The following CAND1 variants were observed in gnomAD, a reference collection of about 807,000 sequenced individuals.
CAND1 encodes the protein cullin-associated NEDD8-dissociated protein 1.
In CAND1, 7 loss-of-function variants were observed where a neutral mutation model predicts 108.5. That is an observed-to-expected ratio of 0.06 (90% CI 0.04 to 0.12). The LOEUF (loss-of-function observed/expected upper bound fraction) is 0.12, where lower values mean the gene tolerates loss of function less well. CAND1 is among the 10% of genes least tolerant of loss of function. The pLI, the probability that CAND1 is intolerant of heterozygous loss-of-function variation, is 1.00. For synonymous variants in CAND1, 534 were observed against 512.0 expected (o/e 1.04, Z -0.58); for missense variants, 941 against 1,448.7 (o/e 0.65, Z 5.69).
intron 7 of CAND1, among the ~76,000 whole-genome samples, chr12:67,300,999 C>T (rs377681188): frequency 9.9e-5 from 15 of 151,970 alleles, no homozygotes; most frequent in African/African-American, 3.1e-4. Context: ...ATAAAATCAA[C>T]GTAATTTTAG....
chr12:67,297,673 C>A lies in CAND1; in HGVS notation c.748+10C>A, dbSNP rs532498312. 3 of 1,601,122 alleles carry A rather than the reference C, an allele frequency of 1.9e-6. No homozygotes were observed. The East Asian group carries it at 6.7e-5, about 36-fold the overall frequency. ...GCTGGTCATAGAATAGGTAAGAAAT[C>A]TTTAAAAGTTTTACAGTTTTCTTTA... is the stretch of plus-strand genomic sequence containing the variant. On this transcript the variant is annotated intron_variant, in intron 5 of 14. Coordinates refer to ENST00000545606, the MANE Select transcript of CAND1 (RefSeq NM_018448.5).
chr12:67,304,190 A>G (rs1199414851), intron 8 of CAND1, among the ~76,000 whole-genome samples: 1 of 151,956 alleles, frequency 6.6e-6, no homozygotes, highest in Non-Finnish European at 1.5e-5. Context: ...GGGTTTCACC[A>G]TGTTGGCCAG....
intron 14 of CAND1, among the ~76,000 whole-genome samples, chr12:67,312,037 T>C (rs1486842224): frequency 1.3e-5 from 2 of 152,216 alleles, no homozygotes; most frequent in Non-Finnish European, 2.9e-5. Flanking sequence ...CTGATACATA[T>C]TTGAAGTACT....
intron 2 of CAND1, among the ~76,000 whole-genome samples, chr12:67,292,353 T>A (rs1284936396): frequency 6.6e-6 from 1 of 152,102 alleles, no homozygotes; most frequent in South Asian, 2.1e-4. Flanking sequence ...ACTAATTAGC[T>A]TTAGGGGTAT....
chr12:67,292,478 C>T, intron 2 of CAND1, 144 bp from the exon 3 acceptor site: 1 of 532,196 alleles, frequency 1.9e-6, no homozygotes, highest in South Asian at 3.7e-5. Flanking sequence ...TTTTTTATGT[C>T]ATTTGTATAC....
chr12:67,283,683 C>T (rs984040869), intron 2 of CAND1, among the ~76,000 whole-genome samples: 1 of 151,110 alleles, frequency 6.6e-6, no homozygotes, highest in African/African-American at 2.4e-5. Context: ...GCCTAATAAA[C>T]AAAATTAAAC....
chr12:67,284,119 G>A (rs972543835), intron 2 of CAND1, among the ~76,000 whole-genome samples: 2 of 151,976 alleles, frequency 1.3e-5, no homozygotes, highest in Admixed American at 1.3e-4. Context: ...CCAAAAGAAA[G>A]ATCCAGAAAT....
intron 2 of CAND1, among the ~76,000 whole-genome samples, chr12:67,287,479 C>A (rs2136000355): frequency 6.6e-6 from 1 of 152,246 alleles, no homozygotes; most frequent in African/African-American, 2.4e-5. Context: ...AACCATGAAC[C>A]ATAGTATCTC....
intron 1 of CAND1, among the ~76,000 whole-genome samples, chr12:67,279,423 T>C (rs1484206477): frequency 6.6e-6 from 1 of 152,186 alleles, no homozygotes; most frequent in East Asian, 1.9e-4. Flanking sequence ...TTAATAAGAT[T>C]AATAGTGTAA....
chr12:67,273,522 C>T (rs2044541993), intron 1 of CAND1, among the ~76,000 whole-genome samples: 1 of 150,460 alleles, frequency 6.6e-6, no homozygotes, highest in Admixed American at 6.6e-5. Flanking sequence ...GCTCTGTCAC[C>T]CACGCTGGAG....
Position 67,314,117 on chromosome 12 carries a change from A to G in CAND1, c.*1287A>G, listed in dbSNP as rs2044983600. On this transcript the variant is annotated 3_prime_UTR_variant, in exon 15 of 15. Coordinates refer to ENST00000545606, the MANE Select transcript of CAND1 (RefSeq NM_018448.5). Reference sequence around the variant, plus strand: ...GGTGCTCCTGTAACAGTAAGAACTAATTCTGAAATAAAAGACATCTCCTAA... The same window carrying G: ...GGTGCTCCTGTAACAGTAAGAACTAGTTCTGAAATAAAAGACATCTCCTAA... 1 of 152,214 alleles carries G rather than the reference A, an allele frequency of 6.6e-6. No homozygotes were observed. The highest frequency in any genetic ancestry group is 1.9e-4 in the East Asian group (1 of 5,200). The allele number at this position is 152,214 out of a possible 1,614,324, so 9.4% of individuals were successfully genotyped here.
chr12:67,284,447 A>C (rs988898117), intron 2 of CAND1, among the ~76,000 whole-genome samples: 5 of 152,184 alleles, frequency 3.3e-5, no homozygotes, highest in African/African-American at 9.7e-5. Context: ...AGAAAAAACT[A>C]TCTGGTTAGT....
intron 1 of CAND1, among the ~76,000 whole-genome samples, chr12:67,272,508 A>G (rs546077428): frequency 6.6e-6 from 1 of 152,318 alleles, no homozygotes; most frequent in South Asian, 2.1e-4. Context: ...ATTTTAAAAG[A>G]ATCTTTTTGT....
intron 2 of CAND1, among the ~76,000 whole-genome samples, chr12:67,285,766 A>G (rs895815806): frequency 6.6e-6 from 1 of 152,226 alleles, no homozygotes; most frequent in African/African-American, 2.4e-5. Context: ...TACAAAACTC[A>G]TATAAATGGA....
chr12:67,271,236 T>G (rs1036026430), intron 1 of CAND1, among the ~76,000 whole-genome samples: 10 of 152,180 alleles, frequency 6.6e-5, no homozygotes, highest in African/African-American at 1.9e-4. Flanking sequence ...GGGCCAAAAT[T>G]AAGATTCTTG....
At chr12:67,275,401 C>T (rs2044559554) in intron 1 of CAND1, among the ~76,000 whole-genome samples, 1 of 151,438 alleles carries the variant, frequency 6.6e-6, no homozygotes, top group African/African-American at 2.5e-5. Context: ...GTGGTGCATA[C>T]CTGTAATCCC....
At chr12:67,290,348 T>TA in intron 2 of CAND1, among the ~76,000 whole-genome samples, 1 of 152,134 alleles carries the variant, frequency 6.6e-6, no homozygotes, top group African/African-American at 2.4e-5. Context: ...CCGTCTCTAC[T>TA]AAAAATACAA....
rs113209950 is a variant in CAND1, at chr12:67,269,537, C to T, written c.-181C>T. 1 of 573,088 alleles carries T rather than the reference C, an allele frequency of 1.7e-6. No individual in the cohort carries two copies. The highest frequency in any genetic ancestry group is 2.0e-5 in the African/African-American group (1 of 49,528). The allele number at this position is 573,088 out of a possible 1,614,324, so 35.5% of individuals were successfully genotyped here. ...GGCTTACCCCGGGACAGGCCCACGC[C>T]TCGCCAGGGAGGGGGCAGCCCGTCG... On this transcript the variant is annotated 5_prime_UTR_variant, in exon 1 of 15. Coordinates refer to ENST00000545606, the MANE Select transcript of CAND1 (RefSeq NM_018448.5).
chr12:67,307,419 A>C lies in CAND1; in HGVS notation c.2952A>C (p.Ser984=). The part of the protein sequence containing the change: ...LISGSSYARS[S]VVTAVKFTIS... ...TAGGCTCATCATATGCCCGAAGCTC[A>C]GTGGTTACGGCTGTGAAATTTACAA... The change falls in exon 11 of 15, where the codon TCA becomes TCC. Residue 984 remains serine, a synonymous_variant. Transcript: ENST00000545606. 1 of 1,611,492 alleles carries C rather than the reference A, an allele frequency of 6.2e-7. No individual in the cohort carries two copies. Among genetic ancestry groups the C allele is most frequent in the Admixed American group, 1.7e-5 (1 of 59,856 alleles).
Sources: allele counts gnomAD v4.1 joint callset (sites outside exome capture counted in the v4.1 genomes callset), GRCh38; gene constraint gnomAD v4.1.1; transcripts MANE v1.5; gene names NCBI Gene and HGNC (gene_info 2026-07-23, HGNC 2026-07-21).